ADK: variants seen among roughly 807,000 people sequenced by gnomAD.
The protein encoded by ADK is adenosine kinase, also known as N6,N6-dimethyladenosine kinase.
Under a neutral mutation model 44.7 loss-of-function variants are expected in ADK, and 24 were observed. That is an observed-to-expected ratio of 0.54 (90% confidence interval 0.39 to 0.76). ADK has a LOEUF of 0.76. ADK is among the 30% of genes least tolerant of loss of function. The probability of loss-of-function intolerance (pLI) is 0.00; values close to 1 mark genes in which losing one functional copy is unlikely to be tolerated. For synonymous variants in ADK, 128 were observed against 142.6 expected (o/e 0.90, Z 0.73); for missense variants, 321 against 425.1 (o/e 0.76, Z 2.15).
In ADK at chr10:74,647,584, G is replaced by C. The variant is rs1436830319; in HGVS notation, c.878-22599G>C. On this transcript the variant is annotated intron_variant, in intron 9 of 10. Coordinates refer to ENST00000539909, the MANE Select transcript of ADK (RefSeq NM_006721.4). ...CAGGGAGCACACTTTTCTGAACCAG[G>C]GTTTTGTAATAAATGTGTGTACTAC... Among the ~76,000 whole-genome samples, 6 of 152,082 alleles carry C rather than the reference G, an allele frequency of 3.9e-5. No individual in the cohort carries two copies. In the South Asian group the frequency reaches 1.2e-3, roughly 32 times the overall value.
chr10:74,353,752 C>A (rs182627849), intron 4 of ADK, among the ~76,000 whole-genome samples: 2 of 152,048 alleles, frequency 1.3e-5, no homozygotes, highest in African/African-American at 4.8e-5. Flanking sequence ...TCTGTAGTCC[C>A]AGCTACTTGG....
intron 9 of ADK, among the ~76,000 whole-genome samples, chr10:74,658,973 C>T (rs924460309): frequency 6.6e-6 from 1 of 151,878 alleles, no homozygotes. Context: ...CCCAGTACTT[C>T]GGGAAGCCAA....
chr10:74,507,342 G>A (rs1396212832), intron 6 of ADK, among the ~76,000 whole-genome samples: 1 of 152,118 alleles, frequency 6.6e-6, no homozygotes, highest in Non-Finnish European at 1.5e-5. Flanking sequence ...ACTGGGCACA[G>A]TGGCTCACAC....
At chr10:74,529,640 T>C (rs754780502) in intron 7 of ADK, among the ~76,000 whole-genome samples, 15 of 152,108 alleles carry the variant, frequency 9.9e-5, no homozygotes, top group Non-Finnish European at 1.9e-4. Context: ...GAGGAAGTGG[T>C]AAAACTGTAA....
chr10:74,335,212 T>A (rs902249532), intron 4 of ADK, among the ~76,000 whole-genome samples: 1 of 152,224 alleles, frequency 6.6e-6, no homozygotes, highest in Admixed American at 6.5e-5. Context: ...TAGCCTCTTA[T>A]ACTGTCACAG....
At chr10:74,353,230 A>G (rs1407164753) in intron 4 of ADK, among the ~76,000 whole-genome samples, 1 of 152,170 alleles carries the variant, frequency 6.6e-6, no homozygotes, top group Non-Finnish European at 1.5e-5. Flanking sequence ...ATGCAGCCAT[A>G]AAAAAGGATG....
chr10:74,399,364 C>T (rs150383106), intron 6 of ADK, among the ~76,000 whole-genome samples: 3 of 150,894 alleles, frequency 2.0e-5, no homozygotes, highest in African/African-American at 7.3e-5. Flanking sequence ...AAATTGATTA[C>T]CCTACTAGGA....
intron 6 of ADK, among the ~76,000 whole-genome samples, chr10:74,445,173 A>G (rs1421641411): frequency 6.6e-6 from 1 of 151,978 alleles, no homozygotes; most frequent in East Asian, 1.9e-4. Context: ...TTCTCAAACA[A>G]AATTTATAGA....
intron 9 of ADK, among the ~76,000 whole-genome samples, chr10:74,657,976 A>C (rs1231847008): frequency 6.6e-6 from 1 of 152,216 alleles, no homozygotes; most frequent in African/African-American, 2.4e-5. Flanking sequence ...TGATACATAC[A>C]CAAGAATAAA....
intron 2 of ADK, among the ~76,000 whole-genome samples, chr10:74,218,629 T>A (rs1844162905): frequency 6.6e-6 from 1 of 152,050 alleles, no homozygotes; most frequent in Non-Finnish European, 1.5e-5. Context: ...AAAGGTCGGG[T>A]TACCCACAAA....
intron 7 of ADK, among the ~76,000 whole-genome samples, chr10:74,536,286 C>T (rs928989493): frequency 7.2e-5 from 11 of 152,078 alleles, no homozygotes; most frequent in African/African-American, 2.7e-4. Flanking sequence ...CCATTTGTGA[C>T]CCCAGTATTC....
At chr10:74,327,493 A>G (rs1052160503) in intron 4 of ADK, among the ~76,000 whole-genome samples, 8 of 152,198 alleles carry the variant, frequency 5.3e-5, no homozygotes, top group African/African-American at 1.9e-4. Flanking sequence ...TGTTCTGTAA[A>G]TGTCTGTTAG....
chr10:74,611,179 C>CAGG (rs1564818504), intron 9 of ADK, among the ~76,000 whole-genome samples: 5,719 of 151,996 alleles, frequency 0.038, 327 homozygotes, highest in African/African-American at 0.13. Flanking sequence ...GCCTACCACC[C>CAGG]TGCCCAGCTA....
intron 6 of ADK, among the ~76,000 whole-genome samples, chr10:74,446,162 A>G (rs1354677781): frequency 6.6e-6 from 1 of 152,028 alleles, no homozygotes; most frequent in Non-Finnish European, 1.5e-5. Flanking sequence ...AAGACTGATA[A>G]TTTATCTCTT....
chr10:74,435,316 G>C (rs1845145082), intron 6 of ADK, among the ~76,000 whole-genome samples: 1 of 152,100 alleles, frequency 6.6e-6, no homozygotes, highest in African/African-American at 2.4e-5. Context: ...TATGTAACTT[G>C]AGCCTCACAG....
intron 3 of ADK, among the ~76,000 whole-genome samples, chr10:74,239,338 T>C (rs546474103): frequency 6.6e-6 from 1 of 152,224 alleles, no homozygotes; most frequent in Admixed American, 6.5e-5. Flanking sequence ...CTCCGTTAGA[T>C]GAAAAGTATT....
At chr10:74,651,882 G>GT (rs2134134555) in intron 9 of ADK, among the ~76,000 whole-genome samples, 1 of 152,250 alleles carries the variant, frequency 6.6e-6, no homozygotes, top group African/African-American at 2.4e-5. Context: ...ATGTGCTGAG[G>GT]TAAGAAGCCA....
At chr10:74,384,939 A>C (rs1010534606) in intron 4 of ADK, among the ~76,000 whole-genome samples, 1 of 152,186 alleles carries the variant, frequency 6.6e-6, no homozygotes, top group Non-Finnish European at 1.5e-5. Context: ...TAGGAAGAGC[A>C]CTCAAAATGC....
intron 6 of ADK, among the ~76,000 whole-genome samples, chr10:74,490,426 G>C (rs1377658439): frequency 6.6e-6 from 1 of 152,080 alleles, no homozygotes; most frequent in Non-Finnish European, 1.5e-5. Context: ...TAGAAGAAAA[G>C]TGTAGTTACA....
Sources: allele counts gnomAD v4.1 joint callset (sites outside exome capture counted in the v4.1 genomes callset), GRCh38; gene constraint gnomAD v4.1.1; transcripts MANE v1.5; gene names NCBI Gene and HGNC (gene_info 2026-07-23, HGNC 2026-07-21).